Variants in ATXN1 observed in about 807,000 individuals in gnomAD.
ATXN1 encodes the protein ataxin-1.
A neutral mutation model predicts 56.4 loss-of-function variants in ATXN1; 8 were observed. The ratio of observed to expected loss-of-function variants is 0.14; its 90% CI spans 0.08 to 0.26. The LOEUF is 0.26. Ranked by LOEUF, ATXN1 falls within the 10% of genes least tolerant of loss-of-function variation. The pLI, the probability that ATXN1 is intolerant of heterozygous loss-of-function variation, is 1.00. For missense variants in ATXN1, 987 were observed against 1,106.5 expected (o/e 0.89, Z 1.53); for synonymous variants, 514 against 494.6 (o/e 1.04, Z -0.52).
rs752461657 is a variant in ATXN1 at position 16,306,350 on chromosome 6, G to T, written c.2427C>A (p.Gly809=). Residue 809 remains glycine, a synonymous_variant, in exon 8 of 8, where the codon GGC becomes GGA. Coordinates refer to ENST00000436367, the MANE Select transcript of ATXN1 (RefSeq NM_001128164.2). This position sits in a 1 kb window ranked among gnomAD's most constrained non-coding sequence, Gnocchi z 5.2. ...GCCTCTACTTGCCTACATTAGACCG[G>T]CCTTCAATGCAAATCTTAACCTCCT... ...IPQEVKICIE[G]RSNVGK The T allele has an allele frequency of 6.2e-7, 1 of 1,610,126 alleles. No individual in the cohort carries two copies. The highest frequency in any genetic ancestry group is 1.1e-5 in the South Asian group (1 of 90,910).
At chr6:16,405,396 T>G (rs1161694233) in intron 6 of ATXN1, among the ~76,000 whole-genome samples, 1 of 152,190 alleles carries the variant, frequency 6.6e-6, no homozygotes, top group Non-Finnish European at 1.5e-5. Flanking sequence ...TTCCAGCCTA[T>G]CTCCTTCCCA....
At chr6:16,607,237 T>C (rs1157339359) in intron 3 of ATXN1, among the ~76,000 whole-genome samples, 7 of 152,182 alleles carry the variant, frequency 4.6e-5, no homozygotes, top group Admixed American at 4.6e-4. Context: ...TTGGGAAAGT[T>C]ATACCCTCTC....
At chr6:16,619,371 A>C (rs1763277515) in intron 3 of ATXN1, among the ~76,000 whole-genome samples, 1 of 152,228 alleles carries the variant, frequency 6.6e-6, no homozygotes, top group African/African-American at 2.4e-5. Flanking sequence ...ACGATAGCAC[A>C]ATATCTGGAA....
chr6:16,375,159 T>C (rs910258794), intron 6 of ATXN1, among the ~76,000 whole-genome samples: 1 of 152,076 alleles, frequency 6.6e-6, no homozygotes, highest in African/African-American at 2.4e-5. Context: ...TCAGACCCTA[T>C]CGCCGCATCA....
intron 4 of ATXN1, among the ~76,000 whole-genome samples, chr6:16,526,946 A>G (rs1255548570): frequency 1.3e-5 from 2 of 151,812 alleles, no homozygotes; most frequent in African/African-American, 4.8e-5. Flanking sequence ...AATGATACAG[A>G]GGAAAGTTAA....
intron 2 of ATXN1, among the ~76,000 whole-genome samples, chr6:16,725,984 A>G (rs1035580592): frequency 8.5e-5 from 13 of 152,118 alleles, no homozygotes; most frequent in Non-Finnish European, 2.9e-5. Context: ...CCTCCTCCCC[A>G]CAATACCCAC....
At chr6:16,443,039 G>A (rs1033483543) in intron 6 of ATXN1, among the ~76,000 whole-genome samples, 12 of 151,562 alleles carry the variant, frequency 7.9e-5, no homozygotes, top group Non-Finnish European at 8.8e-5. Flanking sequence ...AAAAAATAGC[G>A]GGCATGGTGG....
rs1287849050 is a variant in ATXN1, at chr6:16,328,913, C to T, written c.-160-443G>A. 6.6e-6 allele frequency among the ~76,000 whole-genome samples: 1 copy of T among 151,934 alleles called. No homozygotes were observed. The highest frequency in any genetic ancestry group is 2.4e-5 in the African/African-American group (1 of 41,358). On this transcript the variant is annotated intron_variant, in intron 6 of 7. Transcript: ENST00000436367. This position sits in a 1 kb window ranked among gnomAD's most constrained non-coding sequence, Gnocchi z 6.2. ...TTGTACTCCAGCCTGGGCAACAGAG[C>T]GACACTCTGTCTCCAAAAACGAAAC...
chr6:16,467,388 C>A (rs1760129326), intron 6 of ATXN1, among the ~76,000 whole-genome samples: 1 of 152,238 alleles, frequency 6.6e-6, no homozygotes, highest in Non-Finnish European at 1.5e-5. Flanking sequence ...TCCTCATCCA[C>A]AAACCAGAGG....
chr6:16,635,484 A>G (rs1028258191), intron 3 of ATXN1, among the ~76,000 whole-genome samples: 11 of 152,134 alleles, frequency 7.2e-5, no homozygotes, highest in Non-Finnish European at 1.5e-4. Context: ...AGAGAGAAGG[A>G]GCTCTTCTTA....
At chr6:16,569,749 A>G (rs977378163) in intron 4 of ATXN1, among the ~76,000 whole-genome samples, 1 of 152,148 alleles carries the variant, frequency 6.6e-6, no homozygotes, top group Non-Finnish European at 1.5e-5. Context: ...CAGGCTGACA[A>G]TTCTCCACTT....
intron 2 of ATXN1, among the ~76,000 whole-genome samples, chr6:16,714,394 A>G (rs1759596637): frequency 6.6e-6 from 1 of 152,142 alleles, no homozygotes; most frequent in African/African-American, 2.4e-5. Context: ...ACAGCTACCC[A>G]AAAAGACAAG....
intron 6 of ATXN1, among the ~76,000 whole-genome samples, chr6:16,371,265 G>T (rs1003059573): frequency 6.6e-6 from 1 of 151,622 alleles, no homozygotes; most frequent in Non-Finnish European, 1.5e-5. Flanking sequence ...GAACACTTAT[G>T]TGAACTAAAT....
intron 6 of ATXN1, among the ~76,000 whole-genome samples, chr6:16,397,605 G>A (rs886990986): frequency 1.3e-5 from 2 of 152,142 alleles, no homozygotes; most frequent in African/African-American, 2.4e-5. Context: ...TTTTTCTTAA[G>A]TGAAATAGAA....
At chr6:16,528,288 G>C (rs1394487789) in intron 4 of ATXN1, among the ~76,000 whole-genome samples, 1 of 147,340 alleles carries the variant, frequency 6.8e-6, no homozygotes, top group Non-Finnish European at 1.5e-5. Context: ...GCAACAGAGT[G>C]AGACTCCCTC....
At chr6:16,644,563 GGT>G (rs113345902) in intron 3 of ATXN1, among the ~76,000 whole-genome samples, 5,858 of 142,770 alleles carry the variant, frequency 0.041, 376 homozygotes, top group African/African-American at 0.13. Flanking sequence ...TAAATTTTAT[GGT>G]GTGTGTGTGT....
chr6:16,306,642 T>C lies in ATXN1; in HGVS notation c.2135A>G (p.Lys712Arg), dbSNP rs1210093261. ...DPASVLLKHS[K>R]ADGLAGSRHR... Reference sequence around the variant, plus strand: ...TCTGCTGCCCGCCAGGCCGTCGGCCTTTGAGTGCTTCAGCAGGACGCTGGC... The same window carrying C: ...TCTGCTGCCCGCCAGGCCGTCGGCCCTTGAGTGCTTCAGCAGGACGCTGGC... Residue 712 changes from lysine to arginine, a missense_variant, in exon 8 of 8, where the codon AAG becomes AGG. This residue lies in a region of ATXN1 where 196 missense variants were observed against 196.7 expected (regional missense o/e 1.00). Coordinates refer to ENST00000436367, the MANE Select transcript of ATXN1 (RefSeq NM_001128164.2). The surrounding 1 kb of genome is among the most constrained non-coding windows in gnomAD (Gnocchi z 5.2). The C allele has an allele frequency of 8.7e-6, 14 of 1,614,128 alleles. No homozygotes were observed. Among genetic ancestry groups the C allele is most frequent in the Non-Finnish European group, 1.2e-5 (14 of 1,180,052 alleles).
chr6:16,626,653 G>C (rs997591966), intron 3 of ATXN1, among the ~76,000 whole-genome samples: 3 of 152,138 alleles, frequency 2.0e-5, no homozygotes, highest in African/African-American at 7.2e-5. Flanking sequence ...ACTGTTACTG[G>C]CTGAATTTTT....
At chr6:16,411,192 G>A (rs1758792791) in intron 6 of ATXN1, among the ~76,000 whole-genome samples, 2 of 146,318 alleles carry the variant, frequency 1.4e-5, no homozygotes, top group Admixed American at 6.8e-5. Flanking sequence ...GAAAACAAAA[G>A]CCTAAAGATG....
Sources: allele counts gnomAD v4.1 joint callset (sites outside exome capture counted in the v4.1 genomes callset), GRCh38; gene constraint gnomAD v4.1.1; regional missense constraint gnomAD v4.1.1; non-coding constraint Gnocchi (gnomAD v3.1); transcripts MANE v1.5; gene names NCBI Gene and HGNC (gene_info 2026-07-23, HGNC 2026-07-21).